PRR29: variants seen among roughly 807,000 people sequenced by gnomAD.
The protein encoded by PRR29 is proline-rich protein 29.
A neutral mutation model predicts 25.1 loss-of-function variants in PRR29; 20 were observed. That is an observed-to-expected ratio of 0.80 (90% CI 0.56 to 1.16). PRR29 has a LOEUF of 1.16. Ranked by LOEUF, PRR29 falls within the 50% of genes most tolerant of loss-of-function variation. The pLI, the probability that PRR29 is intolerant of heterozygous loss-of-function variation, is 0.00. For synonymous variants in PRR29, 108 were observed against 102.6 expected (o/e 1.05, Z -0.32); for missense variants, 238 against 246.6 (o/e 0.97, Z 0.23).
intron 1 of PRR29, 50 bp from the exon 2 acceptor site, chr17:63,998,657 C>A: frequency 9.1e-7 from 1 of 1,096,780 alleles, no homozygotes; most frequent in South Asian, 1.4e-5. Flanking sequence ...CGCGACGTGT[C>A]CCCATCCATT....
rs1910290151 is a variant in PRR29, at chr17:63,998,610, G to T, written c.61-97G>T. The T allele has an allele frequency of 2.9e-6, 3 of 1,021,000 alleles. No homozygotes were observed. In the South Asian group the frequency reaches 4.6e-5, roughly 16 times the overall value. 63.2% of individuals were successfully genotyped at this position (1,021,000 alleles called of 1,614,324 possible). ...GGGGAGGAGAGAACCTGGCCCCTGC[G>T]GGGTTAGGGAGGCCACTGGCCGGGG... On this transcript the variant is annotated intron_variant, in intron 1 of 5. Coordinates refer to ENST00000412177, the MANE Select transcript of PRR29 (RefSeq NM_001164257.2).
In PRR29 at chr17:64,003,602, G is replaced by A; in HGVS notation, c.*1841G>A. Reference sequence around the variant, plus strand: ...TTTTTCTTCCCCCGAGGGGCTGAAAGTGACTTATCACTCCCAACTCCATCC... The same window carrying A: ...TTTTTCTTCCCCCGAGGGGCTGAAAATGACTTATCACTCCCAACTCCATCC... On this transcript the variant is annotated 3_prime_UTR_variant, in exon 6 of 6. Coordinates refer to ENST00000412177, the MANE Select transcript of PRR29 (RefSeq NM_001164257.2). 6.4e-7 allele frequency: 1 copy of A among 1,567,630 alleles called. No individual in the cohort carries two copies. Among genetic ancestry groups the A allele is most frequent in the Non-Finnish European group, 8.7e-7 (1 of 1,149,960 alleles).
Position 64,002,091 on chromosome 17 carries a change from C to CA in PRR29, c.*331dup, listed in dbSNP as rs1910811704. 5 of 1,178,674 alleles carry CA rather than the reference C, an allele frequency of 4.2e-6. No individual in the cohort carries two copies. In the South Asian group the frequency reaches 7.5e-5, roughly 18 times the overall value. The allele number at this position is 1,178,674 out of a possible 1,614,324, so 73.0% of individuals were successfully genotyped here. On this transcript the variant is annotated 3_prime_UTR_variant, in exon 6 of 6. Transcript: ENST00000412177. ...AACAGAGCCCCCACCCTCTCTCCCT[C>CA]ACCCCTCTCTCTGGGATGATGAGGT...
In PRR29 at chr17:64,003,197, T is replaced by C. The variant is rs992991975; in HGVS notation, c.*1436T>C. On this transcript the variant is annotated 3_prime_UTR_variant, in exon 6 of 6. Transcript: ENST00000412177. ...CCCTTGTCAGCAGCCATGGGACCAG[T>C]GTGTAGCTGCTGGACACCGTGGCCT... The C allele has an allele frequency of 6.1e-6, 3 of 493,142 alleles. No individual in the cohort carries two copies. Among genetic ancestry groups the C allele is most frequent in the Non-Finnish European group, 1.1e-5 (3 of 273,046 alleles). The allele number at this position is 493,142 out of a possible 1,614,324, so 30.5% of individuals were successfully genotyped here. A position where few individuals can be genotyped will look rare whatever the true frequency, so the allele number is the denominator to read the frequency against.
rs1910968681 is a variant in PRR29, at chr17:64,003,626, C to T, written c.*1865C>T. 8.1e-6 allele frequency: 13 copies of T among 1,601,826 alleles called. No homozygotes were observed. The highest frequency in any genetic ancestry group is 1.1e-5 in the Non-Finnish European group (13 of 1,172,490). ...AGTGACTTATCACTCCCAACTCCAT[C>T]CACGGATCCCCCCTCACCATAGATC... On this transcript the variant is annotated 3_prime_UTR_variant, in exon 6 of 6. Coordinates refer to ENST00000412177, the MANE Select transcript of PRR29 (RefSeq NM_001164257.2).
At chr17:63,998,668 C>A (rs770225458) in intron 1 of PRR29, 39 bp from the exon 2 acceptor site, 2 of 1,144,124 alleles carry the variant, frequency 1.7e-6, no homozygotes, top group East Asian at 2.6e-5. Flanking sequence ...CCCATCCATT[C>A]CCCCCACCCC....
In PRR29 at chr17:64,003,640, T is replaced by A; in HGVS notation, c.*1879T>A. 6.2e-7 allele frequency: 1 copy of A among 1,610,038 alleles called. No individual in the cohort carries two copies. The highest frequency in any genetic ancestry group is 1.1e-5 in the South Asian group (1 of 90,528). The stretch of plus-strand genomic sequence containing the variant: ...CCCAACTCCATCCACGGATCCCCCC[T>A]CACCATAGATCTCCAACATCTTCGG... On this transcript the variant is annotated 3_prime_UTR_variant, in exon 6 of 6. Transcript: ENST00000412177.
chr17:64,000,318 T>TTTTTC (rs376446437), intron 3 of PRR29, among the ~76,000 whole-genome samples: 70 of 152,280 alleles, frequency 4.6e-4, no homozygotes, highest in African/African-American at 1.7e-3. Context: ...ACCCATTCTT[T>TTTTTC]TTTTCTTTTC....
At position 64,003,875 on chromosome 17, in the gene PRR29, C is replaced by T. The variant is rs1410531562; in HGVS notation, c.*2114C>T. On this transcript the variant is annotated 3_prime_UTR_variant, in exon 6 of 6. Coordinates refer to ENST00000412177, the MANE Select transcript of PRR29 (RefSeq NM_001164257.2). Reference sequence around the variant, plus strand: ...AAGAGGGTGAGGCTGTCCAGGGGCTCCACGGTGGGCACCCTGCACTCAATG... The same window carrying T: ...AAGAGGGTGAGGCTGTCCAGGGGCTTCACGGTGGGCACCCTGCACTCAATG... 5.6e-6 allele frequency: 9 copies of T among 1,614,212 alleles called. No individual in the cohort carries two copies. The highest frequency in any genetic ancestry group is 7.6e-6 in the Non-Finnish European group (9 of 1,180,038).
At position 64,002,062 on chromosome 17, in the gene PRR29, T is replaced by C. The variant is rs1264227699; in HGVS notation, c.*301T>C. 3 of 1,425,830 alleles carry C rather than the reference T, an allele frequency of 2.1e-6. No individual in the cohort carries two copies. In the Admixed American group the frequency reaches 6.2e-5, roughly 29 times the overall value. 88.3% of individuals were successfully genotyped at this position (1,425,830 alleles called of 1,614,324 possible). ...TTCCTGCCTGGAGCAGGGGGAGGCC[T>C]GGGAACAGAGCCCCCACCCTCTCTC... On this transcript the variant is annotated 3_prime_UTR_variant, in exon 6 of 6. Transcript: ENST00000412177.
rs146658147 is a variant in PRR29 at position 64,003,658 on chromosome 17, A to G, written c.*1897A>G. Reference sequence around the variant, plus strand: ...TCCCCCCTCACCATAGATCTCCAACATCTTCGGGGCTGAGTGTTTGTGAAA... The same window carrying G: ...TCCCCCCTCACCATAGATCTCCAACGTCTTCGGGGCTGAGTGTTTGTGAAA... On this transcript the variant is annotated 3_prime_UTR_variant, in exon 6 of 6. Coordinates refer to ENST00000412177, the MANE Select transcript of PRR29 (RefSeq NM_001164257.2). 4 of 1,613,410 alleles carry G rather than the reference A, an allele frequency of 2.5e-6. No individual in the cohort carries two copies. The highest frequency in any genetic ancestry group is 3.4e-6 in the Non-Finnish European group (4 of 1,179,626).
chr17:64,000,851 A>ATTT (rs1910648733), intron 3 of PRR29: 16 of 433,382 alleles, frequency 3.7e-5, no homozygotes, highest in Non-Finnish European at 4.2e-6. Flanking sequence ...TATTTTTAGT[A>ATTT]GAGACGGGGT....
chr17:64,001,828 T>C lies in PRR29; in HGVS notation c.*67T>C. 1 of 1,537,090 alleles carries C rather than the reference T, an allele frequency of 6.5e-7. No homozygotes were observed. Among genetic ancestry groups the C allele is most frequent in the Non-Finnish European group, 8.7e-7 (1 of 1,146,872 alleles). On this transcript the variant is annotated 3_prime_UTR_variant, in exon 6 of 6. Coordinates refer to ENST00000412177, the MANE Select transcript of PRR29 (RefSeq NM_001164257.2). ...TGGATACAGCCCCGGAGCCGCCTCC[T>C]GCACCTCTCTTGTCGACTCCCCGGT...
Position 63,998,955 on chromosome 17 carries a change from C to T in PRR29, c.137-13C>T, listed in dbSNP as rs559356109. 48 of 1,535,996 alleles carry T rather than the reference C, an allele frequency of 3.1e-5. No homozygotes were observed. In the South Asian group the frequency reaches 3.8e-4, roughly 12 times the overall value. ...GGAGGCCCGGCGTGGGCTTGCTGAA[C>T]CCCGCTTCCTAGACCTGCTGGAACT... On this transcript the variant is annotated splice_polypyrimidine_tract_variant and intron_variant, in intron 2 of 5. Transcript: ENST00000412177.
chr17:64,003,546 TG>T lies in PRR29; in HGVS notation c.*1788del. The T allele has an allele frequency of 9.1e-7, 1 of 1,097,110 alleles. No individual in the cohort carries two copies. The allele number at this position is 1,097,110 out of a possible 1,614,324, so 68.0% of individuals were successfully genotyped here. On this transcript the variant is annotated 3_prime_UTR_variant, in exon 6 of 6. Coordinates refer to ENST00000412177, the MANE Select transcript of PRR29 (RefSeq NM_001164257.2). ...AGCCTCAGGATGAAGGGTGGGCTCC[TG>T]GGTGTTTGCTTCCCAAGTGGGACTC...
chr17:63,998,705 A>T lies in PRR29; in HGVS notation c.61-2A>T. On this transcript the variant is annotated splice_acceptor_variant, in intron 1 of 5. Transcript: ENST00000412177. LOFTEE classifies it high-confidence loss of function. ...CCTGGCTGACTCCGCGCACACCCCCAGCCCTGGGTCACCTTCCTGCAGCCC... is the reference window on the plus strand; with the variant it reads ...CCTGGCTGACTCCGCGCACACCCCCTGCCCTGGGTCACCTTCCTGCAGCCC... 1 of 1,259,032 alleles carries T rather than the reference A, an allele frequency of 7.9e-7. No homozygotes were observed. Among genetic ancestry groups the T allele is most frequent in the Non-Finnish European group, 1.0e-6 (1 of 997,782 alleles). 78.0% of individuals were successfully genotyped at this position (1,259,032 alleles called of 1,614,324 possible). A position where few individuals can be genotyped will look rare whatever the true frequency, so the allele number is the denominator to read the frequency against.
chr17:64,003,947 T>A lies in PRR29; in HGVS notation c.*2186T>A, dbSNP rs1251742846. 1 of 1,612,568 alleles carries A rather than the reference T, an allele frequency of 6.2e-7. No homozygotes were observed. Among genetic ancestry groups the A allele is most frequent in the African/African-American group, 1.3e-5 (1 of 74,916 alleles). On this transcript the variant is annotated 3_prime_UTR_variant, in exon 6 of 6. Coordinates refer to ENST00000412177, the MANE Select transcript of PRR29 (RefSeq NM_001164257.2). The stretch of plus-strand genomic sequence containing the variant: ...ACCAAAGTGGGTTGCAGTGTCAGGA[T>A]GACCTGCCTTGGAGGCTCTGCAGGG...
At chr17:63,998,567 G>A in intron 1 of PRR29, 140 bp from the exon 2 acceptor site, 3 of 1,146,698 alleles carry the variant, frequency 2.6e-6, no homozygotes, top group Non-Finnish European at 3.6e-6. Context: ...GTGGCAGGGA[G>A]CAGGGAGGCC....
At chr17:64,001,575 G>A (rs981533945) in intron 5 of PRR29, 38 bp downstream of exon 5, 3 of 1,493,598 alleles carry the variant, frequency 2.0e-6, no homozygotes, top group African/African-American at 2.8e-5. Flanking sequence ...CCCAGGCCTG[G>A]GAGTGAATCA....
Sources: gnomAD v4.1 joint callset for allele counts (sites outside exome capture counted in the v4.1 genomes callset) on GRCh38, gnomAD v4.1.1 for gene constraint, MANE v1.5 for transcripts, NCBI Gene and HGNC (gene_info 2026-07-23, HGNC 2026-07-21) for gene names.